The following TPO variants were observed in gnomAD, a reference collection of about 807,000 sequenced individuals.
TPO encodes thyroid peroxidase.
A neutral mutation model predicts 96.9 loss-of-function variants in TPO; 78 were observed. The ratio of observed to expected loss-of-function variants is 0.81; its 90% confidence interval spans 0.67 to 0.97. TPO has a LOEUF of 0.97. TPO is among the 50% of genes least tolerant of loss of function. TPO has a pLI of 0.00. For missense variants in TPO, 1,252 were observed against 1,274.8 expected, an observed-to-expected ratio of 0.98 and a Z score of 0.27; for synonymous variants, 547 against 538.0, an observed-to-expected ratio of 1.02 and a Z score of -0.23.
intron 5 of TPO, among the ~76,000 whole-genome samples, chr2:1,448,939 C>T (rs992876895): frequency 2.0e-5 from 3 of 152,168 alleles, no homozygotes; most frequent in African/African-American, 7.2e-5. Flanking sequence ...GTGCTTCCCT[C>T]CCGGATGCAC....
In TPO at chr2:1,484,253, G is replaced by A. The variant is rs1670908353; in HGVS notation, c.1339-343G>A. Among the ~76,000 whole-genome samples the A allele has an allele frequency of 2.0e-5, 3 of 152,334 alleles. No homozygotes were observed. The South Asian group carries it at 6.2e-4, about 32-fold the overall frequency. ...TATTATTGTTGCTTTGTAGAAAAAG[G>A]AACTGCTCCCCACTGTCAATCATCC... On this transcript the variant is annotated intron_variant, in intron 8 of 16. Coordinates refer to ENST00000329066, the MANE Select transcript of TPO (RefSeq NM_001206744.2).
intron 15 of TPO, among the ~76,000 whole-genome samples, chr2:1,528,135 C>T (rs62117031): frequency 0.52 from 70,195 of 135,694 alleles, 18,981 homozygotes; most frequent in South Asian, 0.62. Context: ...CTCAAATCCC[C>T]GCACTGTGTG....
chr2:1,534,556 ACT>A (rs1679114178), intron 15 of TPO, among the ~76,000 whole-genome samples: 1 of 60,322 alleles, frequency 1.7e-5, no homozygotes, highest in African/African-American at 6.5e-5. Flanking sequence ...AATCCCTACC[ACT>A]CTGTGCAACT....
chr2:1,524,191 C>CCA (rs1675870855), intron 15 of TPO, among the ~76,000 whole-genome samples: 1 of 124,840 alleles, frequency 8.0e-6, no homozygotes, highest in African/African-American at 3.1e-5. Context: ...AAATCCCCAT[C>CCA]CTGTGTGCAA....
At chr2:1,453,284 T>C (rs1398041040) in intron 5 of TPO, among the ~76,000 whole-genome samples, 2 of 152,232 alleles carry the variant, frequency 1.3e-5, no homozygotes, top group African/African-American at 4.8e-5. Flanking sequence ...CATGGTGCTT[T>C]GATTAAAGGA....
rs28913000 is a variant in TPO, at chr2:1,504,835, T to C, written c.2518+756T>C. 5.9e-4 allele frequency among the ~76,000 whole-genome samples: 90 copies of C among 152,264 alleles called. 1 individual carries two copies. In the East Asian group the frequency reaches 0.014, roughly 24 times the overall value. ...TTAATAGTCTGGCTTCCAGCTCTTA[T>C]AGAAAAATAATTATTTACCAGACTC... On this transcript the variant is annotated intron_variant, in intron 14 of 16. Coordinates refer to ENST00000329066, the MANE Select transcript of TPO (RefSeq NM_001206744.2).
intron 1 of TPO, 47 bp downstream of exon 1, chr2:1,413,592 ATCATTGG>A (rs1274949589): frequency 1.2e-6 from 1 of 856,502 alleles, no homozygotes; most frequent in Non-Finnish European, 1.4e-6. Context: ...AGAGAAATTC[ATCATTGG>A]AACTTGTAAA....
chr2:1,426,342 T>C (rs923635394), intron 3 of TPO, among the ~76,000 whole-genome samples: 14 of 143,150 alleles, frequency 9.8e-5, no homozygotes, highest in African/African-American at 2.4e-4. Context: ...CATTTCATAT[T>C]CTCAGAAGTC....
intron 1 of TPO, among the ~76,000 whole-genome samples, chr2:1,376,524 G>A (rs1289407292): frequency 1.3e-5 from 2 of 152,114 alleles, no homozygotes; most frequent in Admixed American, 6.6e-5. Context: ...GTGATTACAC[G>A]GGGCATTCGC....
intron 15 of TPO, among the ~76,000 whole-genome samples, chr2:1,526,346 A>ACAT (rs1558409981): frequency 2.2e-5 from 1 of 46,238 alleles, no homozygotes; most frequent in Non-Finnish European, 3.8e-5. Context: ...AGTGTGTGCA[A>ACAT]CCTCAATTCC....
chr2:1,517,523 ATGTCCC>A, intron 15 of TPO, among the ~76,000 whole-genome samples: 1 of 152,026 alleles, frequency 6.6e-6, no homozygotes, highest in Non-Finnish European at 1.5e-5. Flanking sequence ...CAGCTGGTCC[ATGTCCC>A]TAGCCCTGAG....
intron 8 of TPO, chr2:1,477,899 G>A (rs1670138742): frequency 1.0e-6 from 1 of 985,396 alleles, no homozygotes; most frequent in East Asian, 1.1e-4. Context: ...CAGCCGGCTG[G>A]TGATTATCCC....
chr2:1,446,099 G>C (rs758901838), intron 5 of TPO, among the ~76,000 whole-genome samples: 5 of 152,158 alleles, frequency 3.3e-5, no homozygotes, highest in Non-Finnish European at 7.4e-5. Context: ...AGTCTTCCAT[G>C]GGCCTGCACC....
At chr2:1,374,360 C>T (rs1661685339) in exon 1 of TPO, 1 of 152,198 alleles carries the variant, frequency 6.6e-6, no homozygotes, top group South Asian at 2.1e-4. Context: ...GAAAGGGCTC[C>T]GTCAGTCAGC....
intron 10 of TPO, among the ~76,000 whole-genome samples, chr2:1,493,244 G>T (rs1671973866): frequency 6.9e-6 from 1 of 145,474 alleles, no homozygotes; most frequent in African/African-American, 2.5e-5. Context: ...GTGTGCTCCT[G>T]ATGTCATTGT....
chr2:1,379,206 G>A (rs1359736730), intron 1 of TPO, among the ~76,000 whole-genome samples: 2 of 152,110 alleles, frequency 1.3e-5, no homozygotes, highest in African/African-American at 4.8e-5. Context: ...TCAGGAAACT[G>A]AGGCAGGAGA....
intron 7 of TPO, among the ~76,000 whole-genome samples, chr2:1,469,857 G>T (rs966280896): frequency 6.6e-6 from 1 of 152,164 alleles, no homozygotes; most frequent in Non-Finnish European, 1.5e-5. Flanking sequence ...TCTTCAGAGG[G>T]TCTGCGGTTT....
intron 5 of TPO, among the ~76,000 whole-genome samples, chr2:1,448,448 AT>A (rs1368524369): frequency 1.4e-4 from 22 of 152,216 alleles, no homozygotes; most frequent in African/African-American, 5.1e-4. Context: ...CCTCAGAGCC[AT>A]CCCCTTCCTC....
intron 7 of TPO, among the ~76,000 whole-genome samples, chr2:1,469,935 C>T (rs1460077992): frequency 6.6e-6 from 1 of 152,206 alleles, no homozygotes; most frequent in Non-Finnish European, 1.5e-5. Flanking sequence ...AACCTCCACA[C>T]ACTGCTCTGT....
Sources: gnomAD v4.1 joint callset for allele counts (sites outside exome capture counted in the v4.1 genomes callset) on GRCh38, gnomAD v4.1.1 for gene constraint, MANE v1.5 for transcripts, NCBI Gene and HGNC (gene_info 2026-07-23, HGNC 2026-07-21) for gene names.